The following DCTPP1 variants were observed in gnomAD, a reference collection of about 807,000 sequenced individuals.
The protein encoded by DCTPP1 is XTP3-transactivated gene A protein.
Under a neutral mutation model 8.8 loss-of-function variants are expected in DCTPP1, and 8 were observed. The observed-to-expected ratio is 0.91, with a 90% confidence interval of 0.54 to 1.64. The LOEUF (loss-of-function observed/expected upper bound fraction) is 1.64. Among genes scored for constraint, DCTPP1 ranks in the 40% most tolerant of loss-of-function variants. The pLI, the probability that DCTPP1 is intolerant of heterozygous loss-of-function variation, is 0.00. For missense variants in DCTPP1, 231 were observed against 230.4 expected, an observed-to-expected ratio of 1.00 and a Z score of -0.02; for synonymous variants, 85 against 92.1, an observed-to-expected ratio of 0.92 and a Z score of 0.44.
Position 30,424,155 on chromosome 16 carries a change from C to T in DCTPP1, c.*78G>A. ...AGGCCCATGATCTATTCTGAAAAGA[C>T]TAGAAAAAGGCTCCAGGGCCAGGCC... On this transcript the variant is annotated 3_prime_UTR_variant, in exon 3 of 3. Transcript: ENST00000319285. 6.6e-7 allele frequency: 1 copy of T among 1,516,070 alleles called. No individual in the cohort carries two copies. The highest frequency in any genetic ancestry group is 1.3e-5 in the South Asian group (1 of 77,312). 93.9% of individuals were successfully genotyped at this position (1,516,070 alleles called of 1,614,324 possible).
In DCTPP1 at chr16:30,430,019, C is replaced by A. The variant is rs1350941796; in HGVS notation, c.-39G>T. On this transcript the variant is annotated 5_prime_UTR_variant, in exon 1 of 3. Coordinates refer to ENST00000319285, the MANE Select transcript of DCTPP1 (RefSeq NM_024096.2). ...GCACCGCGACTTCACGGAAAACCCACGAGCCACGCTCGAAGCCCCGCCTCC... is the reference window on the plus strand; with the variant it reads ...GCACCGCGACTTCACGGAAAACCCAAGAGCCACGCTCGAAGCCCCGCCTCC... The A allele has an allele frequency of 5.6e-6, 8 of 1,423,124 alleles. No individual in the cohort carries two copies. Among genetic ancestry groups the A allele is most frequent in the Admixed American group, 2.9e-5 (1 of 33,988 alleles). 88.2% of individuals were successfully genotyped at this position (1,423,124 alleles called of 1,614,324 possible).
chr16:30,429,559 C>A, intron 1 of DCTPP1: 1 of 432,592 alleles, frequency 2.3e-6, no homozygotes, highest in Non-Finnish European at 4.1e-6. Flanking sequence ...CGTCTCCCAC[C>A]TCTCAGCACT....
At chr16:30,428,976 T>C in intron 2 of DCTPP1, 81 bp downstream of exon 2, 2 of 1,390,212 alleles carry the variant, frequency 1.4e-6, no homozygotes, top group South Asian at 1.4e-5. Context: ...ACTGAACCCA[T>C]GAATGTTTGA....
At chr16:30,429,701 G>C in intron 1 of DCTPP1, 179 bp downstream of exon 1, 2 of 589,300 alleles carry the variant, frequency 3.4e-6, no homozygotes, top group Non-Finnish European at 5.7e-6. Flanking sequence ...CCTTGCCTCA[G>C]GTGTGCACCG....
At position 30,427,781 on chromosome 16, in the gene DCTPP1, C is replaced by G. The variant is rs184761038; in HGVS notation, c.212+1276G>C. On this transcript the variant is annotated intron_variant, in intron 2 of 2. Transcript: ENST00000319285. ...GGTGAGGCAAGTGAATCACTTGAGA[C>G]CAGGAGTTTGAGACCAGCCTGGGCA... 1.2e-3 allele frequency among the ~76,000 whole-genome samples: 190 copies of G among 152,224 alleles called. 2 individuals are homozygous for G. The highest frequency in any genetic ancestry group is 4.8e-3 in the East Asian group (25 of 5,188).
chr16:30,429,722 T>C (rs2050213975), intron 1 of DCTPP1, 158 bp downstream of exon 1: 3 of 652,984 alleles, frequency 4.6e-6, no homozygotes, highest in East Asian at 6.6e-5. Context: ...CTGCGCCCAT[T>C]TTGCAGATGA....
chr16:30,429,116 A>G lies in DCTPP1; in HGVS notation c.153T>C (p.His51=), dbSNP rs781354874. Residue 51 remains histidine, a synonymous_variant, in exon 2 of 3, where the codon CAT becomes CAC. Transcript: ENST00000319285. ...FAAERDWEQF[H]QPRNLLLALV... ...AGGCCAGGAGGAGATTCCGAGGCTG[A>G]TGGAACTGTTCCCAGTCTCGTTCCG... is the stretch of plus-strand genomic sequence containing the variant. 3 of 1,613,980 alleles carry G rather than the reference A, an allele frequency of 1.9e-6. No homozygotes were observed. The highest frequency in any genetic ancestry group is 2.5e-6 in the Non-Finnish European group (3 of 1,179,944).
At position 30,424,295 on chromosome 16, in the gene DCTPP1, C is replaced by T; in HGVS notation, c.451G>A (p.Glu151Lys). The change falls in exon 3 of 3, where the codon GAA (glutamate) becomes AAA (lysine). Residue 151 changes from glutamate (E) to lysine (K), a missense_variant. By Grantham distance (56) the Glu-to-Lys change is moderately conservative (BLOSUM62 1). Transcript: ENST00000319285. ...YTELPHGAIS[E>K]DQAVGPADIP... is the part of the protein sequence containing the mutation. ...TCCGCAGGCCCCACAGCCTGGTCTTCAGAGATGGCCCCATGGGGCAATTCT... is the reference window on the plus strand; with the variant it reads ...TCCGCAGGCCCCACAGCCTGGTCTTTAGAGATGGCCCCATGGGGCAATTCT... The T allele has an allele frequency of 6.2e-7, 1 of 1,614,236 alleles. No homozygotes were observed. The highest frequency in any genetic ancestry group is 8.5e-7 in the Non-Finnish European group (1 of 1,180,048).
intron 2 of DCTPP1, among the ~76,000 whole-genome samples, chr16:30,426,321 G>A (rs1399047296): frequency 1.1e-4 from 17 of 151,834 alleles, no homozygotes; most frequent in Non-Finnish European, 1.3e-4. Context: ...GACTACAGGC[G>A]CCTGCCACCA....
chr16:30,425,800 G>A (rs2050189347), intron 2 of DCTPP1, among the ~76,000 whole-genome samples: 1 of 152,136 alleles, frequency 6.6e-6, no homozygotes, highest in Admixed American at 6.5e-5. Flanking sequence ...CTTGGTAACA[G>A]GAGCAGAACT....
intron 2 of DCTPP1, among the ~76,000 whole-genome samples, chr16:30,426,554 C>G (rs1224271351): frequency 1.3e-5 from 2 of 150,892 alleles, no homozygotes; most frequent in African/African-American, 4.9e-5. Context: ...TCACTGCCAG[C>G]TCTGCCTCCC....
chr16:30,429,969 G>A lies in DCTPP1; in HGVS notation c.12C>T (p.Ala4=), dbSNP rs756606971. The A allele has an allele frequency of 1.9e-6, 3 of 1,565,450 alleles. No individual in the cohort carries two copies. The highest frequency in any genetic ancestry group is 3.7e-5 in the Admixed American group (2 of 53,582). Reference sequence around the variant, plus strand: ...CCGTGTCCCCACGAATCTCCCCACCGGCCACAGACATGCCGCCCACCGCTG... The same window carrying A: ...CCGTGTCCCCACGAATCTCCCCACCAGCCACAGACATGCCGCCCACCGCTG... MSV[A]GGEIRGDTGG... is the part of the protein sequence containing the mutation. Residue 4 remains alanine, a synonymous_variant, in exon 1 of 3, where the codon GCC becomes GCT. Transcript: ENST00000319285.
chr16:30,429,788 C>A (rs544683617), intron 1 of DCTPP1, 92 bp downstream of exon 1: 1 of 1,308,638 alleles, frequency 7.6e-7, no homozygotes, highest in African/African-American at 1.5e-5. Context: ...GCCCCGCTGC[C>A]AGCCCGCTTC....
chr16:30,427,065 A>C, intron 2 of DCTPP1, among the ~76,000 whole-genome samples: 1 of 141,610 alleles, frequency 7.1e-6, no homozygotes, highest in African/African-American at 2.7e-5. Context: ...GCTAGAGTGC[A>C]GTGGCGCGAT....
At position 30,429,981 on chromosome 16, in the gene DCTPP1, G is replaced by A; in HGVS notation, c.-1C>T. 5 of 1,542,512 alleles carry A rather than the reference G, an allele frequency of 3.2e-6. No homozygotes were observed. Among genetic ancestry groups the A allele is most frequent in the East Asian group, 2.6e-5 (1 of 38,772 alleles). On this transcript the variant is annotated 5_prime_UTR_variant, in exon 1 of 3. Coordinates refer to ENST00000319285, the MANE Select transcript of DCTPP1 (RefSeq NM_024096.2). The stretch of plus-strand genomic sequence containing the variant: ...GAATCTCCCCACCGGCCACAGACAT[G>A]CCGCCCACCGCTGCACCGCGACTTC...
At chr16:30,429,859 A>T in intron 1 of DCTPP1, 21 bp downstream of exon 1, 3 of 1,585,596 alleles carry the variant, frequency 1.9e-6, no homozygotes, top group Non-Finnish European at 2.6e-6. Flanking sequence ...CCCCACCCCG[A>T]GCTGGGCCAG....
At chr16:30,429,208 T>C (rs1201281625) in intron 1 of DCTPP1, 41 bp from the exon 2 acceptor site, 12 of 1,609,126 alleles carry the variant, frequency 7.5e-6, no homozygotes, top group Non-Finnish European at 9.3e-6. Flanking sequence ...GTCTCCGGGT[T>C]AGAGGGTGAT....
intron 2 of DCTPP1, 125 bp from the exon 3 acceptor site, chr16:30,424,658 C>A: frequency 7.9e-7 from 1 of 1,272,938 alleles, no homozygotes; most frequent in South Asian, 1.5e-5. Context: ...TGGGAAGAGT[C>A]AGGTGGGGAA....
intron 2 of DCTPP1, among the ~76,000 whole-genome samples, chr16:30,427,006 T>C (rs2050198293): frequency 6.9e-6 from 1 of 145,692 alleles, no homozygotes; most frequent in African/African-American, 2.5e-5. Context: ...TGGACCTTTT[T>C]CGTTGGGTTT....
Sources: gnomAD v4.1 joint callset for allele counts (sites outside exome capture counted in the v4.1 genomes callset) on GRCh38, gnomAD v4.1.1 for gene constraint, MANE v1.5 for transcripts, NCBI Gene and HGNC (gene_info 2026-07-23, HGNC 2026-07-21) for gene names.